CYP46A1: variants seen among roughly 807,000 people sequenced by gnomAD.
CYP46A1 encodes the protein cytochrome P450 family 46 subfamily A member 1, also known as cholesterol 24-hydroxylase.
A neutral mutation model predicts 63.3 loss-of-function variants in CYP46A1; 20 were observed. The ratio of observed to expected loss-of-function variants is 0.32; its 90% CI spans 0.22 to 0.46. The LOEUF is 0.46. CYP46A1 is among the 20% of genes least tolerant of loss of function. The pLI, the probability that CYP46A1 is intolerant of heterozygous loss-of-function variation, is 1.00. For synonymous variants in CYP46A1, 268 were observed against 273.6 expected (o/e 0.98, Z 0.20); for missense variants, 445 against 670.8 (o/e 0.66, Z 3.72).
At chr14:99,716,042 T>C in intron 8 of CYP46A1, 82 bp downstream of exon 8, 1 of 1,609,488 alleles carries the variant, frequency 6.2e-7, no homozygotes, top group Non-Finnish European at 8.5e-7. Context: ...CTGACTCTGT[T>C]TGGCTTAAGA....
intron 5 of CYP46A1, among the ~76,000 whole-genome samples, chr14:99,701,602 T>A (rs1459366397): frequency 6.6e-6 from 1 of 152,236 alleles, no homozygotes; most frequent in Non-Finnish European, 1.5e-5. Context: ...AATGTATCCT[T>A]GTCGTTAAGT....
intron 3 of CYP46A1, among the ~76,000 whole-genome samples, chr14:99,694,246 C>T (rs2056567465): frequency 6.7e-6 from 1 of 149,980 alleles, no homozygotes; most frequent in African/African-American, 2.4e-5. Flanking sequence ...GTTCACTTCA[C>T]ATAATTTGCT....
chr14:99,715,831 CAGCTCCGGG>C lies in CYP46A1; in HGVS notation c.718_726del (p.Leu240_Glu242del). On this transcript the variant is annotated inframe_deletion, in exon 8 of 15. Coordinates refer to ENST00000261835, the MANE Select transcript of CYP46A1 (RefSeq NM_006668.2). ...TTAGTTCCTGCCAGGGAAGAGGAAGCAGCTCCGGGAGGTCCGGGAGAGCATTCGCTTCCT... is the reference window on the plus strand; with the variant it reads ...TTAGTTCCTGCCAGGGAAGAGGAAGCAGGTCCGGGAGAGCATTCGCTTCCT... The C allele has an allele frequency of 1.2e-6, 2 of 1,614,214 alleles. No homozygotes were observed. Among genetic ancestry groups the C allele is most frequent in the Non-Finnish European group, 1.7e-6 (2 of 1,180,040 alleles).
intron 10 of CYP46A1, among the ~76,000 whole-genome samples, chr14:99,718,925 C>T (rs2056818356): frequency 6.6e-6 from 1 of 152,020 alleles, no homozygotes; most frequent in African/African-American, 2.4e-5. Flanking sequence ...CCATGGCACC[C>T]CACCCACCCA....
At chr14:99,716,321 T>A (rs2056790132) in intron 9 of CYP46A1, 122 bp downstream of exon 9, 1 of 1,019,826 alleles carries the variant, frequency 9.8e-7, no homozygotes, top group Admixed American at 2.0e-5. Flanking sequence ...ACCGCAGGGC[T>A]AGGGGGCTGG....
chr14:99,698,319 G>A (rs929438915), intron 3 of CYP46A1, among the ~76,000 whole-genome samples: 2 of 152,004 alleles, frequency 1.3e-5, no homozygotes, highest in African/African-American at 2.4e-5. Context: ...GATCATAGCC[G>A]TCTCTCCCCT....
chr14:99,710,882 C>T (rs2056724010), intron 7 of CYP46A1: 1 of 152,126 alleles, frequency 6.6e-6, no homozygotes. Context: ...CTCATCAGCA[C>T]ATGAAAGATT....
intron 1 of CYP46A1, among the ~76,000 whole-genome samples, chr14:99,685,039 C>T (rs1017482968): frequency 4.7e-5 from 7 of 147,718 alleles, no homozygotes; most frequent in Admixed American, 2.0e-4. Context: ...CTTACAATTG[C>T]ATTCTTGGTC....
chr14:99,704,008 A>G (rs754847061), intron 5 of CYP46A1, among the ~76,000 whole-genome samples: 4 of 152,232 alleles, frequency 2.6e-5, no homozygotes, highest in Non-Finnish European at 2.9e-5. Context: ...GGAAACATCA[A>G]TTCTAACCAG....
At chr14:99,717,799 C>T (rs555260744) in intron 9 of CYP46A1, 3 of 449,872 alleles carry the variant, frequency 6.7e-6, no homozygotes, top group African/African-American at 5.9e-5. Flanking sequence ...ATTGTGTCCC[C>T]CCCACTCTCC....
At position 99,706,863 on chromosome 14, in the gene CYP46A1, T is replaced by C; in HGVS notation, c.582+78T>C. The C allele has an allele frequency of 1.1e-5, 17 of 1,508,954 alleles. 1 individual carries two copies. In the South Asian group the frequency reaches 2.2e-4, roughly 19 times the overall value. The allele number at this position is 1,508,954 out of a possible 1,614,324, so 93.5% of individuals were successfully genotyped here. A position where few individuals can be genotyped will look rare whatever the true frequency, so the allele number is the denominator to read the frequency against. On this transcript the variant is annotated intron_variant, in intron 6 of 14. Coordinates refer to ENST00000261835, the MANE Select transcript of CYP46A1 (RefSeq NM_006668.2). Reference sequence around the variant, plus strand: ...GGTCTCTTCTCTCCCTCTTCCCTTCTCTCTTCCCCTCCCTCCTGCTCCTCT... The same window carrying C: ...GGTCTCTTCTCTCCCTCTTCCCTTCCCTCTTCCCCTCCCTCCTGCTCCTCT...
At chr14:99,690,990 G>C in intron 1 of CYP46A1, 91 bp from the exon 2 acceptor site, 1 of 1,251,434 alleles carries the variant, frequency 8.0e-7, no homozygotes, top group Non-Finnish European at 1.2e-6. Flanking sequence ...CCTCCTGTCT[G>C]TGAAGTGGGC....
intron 1 of CYP46A1, chr14:99,684,903 A>C: frequency 5.6e-6 from 2 of 354,542 alleles, no homozygotes; most frequent in Non-Finnish European, 1.1e-5. Flanking sequence ...CCTGCCTCCA[A>C]AGTGGGCGCT....
intron 3 of CYP46A1, among the ~76,000 whole-genome samples, chr14:99,698,961 A>T (rs1032999555): frequency 1.3e-5 from 2 of 152,172 alleles, no homozygotes; most frequent in Non-Finnish European, 2.9e-5. Context: ...TTTATGGCAC[A>T]AGGGCAAGTC....
At chr14:99,724,624 G>T (rs778540772) in intron 12 of CYP46A1, among the ~76,000 whole-genome samples, 2 of 152,174 alleles carry the variant, frequency 1.3e-5, no homozygotes, top group African/African-American at 2.4e-5. Flanking sequence ...TTGTTAGGTG[G>T]GGGGAGTGGT....
At chr14:99,708,121 C>T in intron 7 of CYP46A1, 1 of 264,236 alleles carries the variant, frequency 3.8e-6, no homozygotes. Flanking sequence ...CCTGCACGCA[C>T]TGTCCAGGGA....
At chr14:99,717,339 T>C (rs558899701) in intron 9 of CYP46A1, among the ~76,000 whole-genome samples, 3 of 152,256 alleles carry the variant, frequency 2.0e-5, no homozygotes, top group African/African-American at 7.2e-5. Flanking sequence ...GTTGTGTCTG[T>C]CTTTCCCTTT....
chr14:99,721,521 C>T (rs1244690047), intron 11 of CYP46A1, among the ~76,000 whole-genome samples, 198 bp downstream of exon 11: 1 of 152,194 alleles, frequency 6.6e-6, no homozygotes, highest in African/African-American at 2.4e-5. Flanking sequence ...CAGGTCACCC[C>T]AGTATTCAAC....
chr14:99,714,996 T>C (rs1188732212), intron 7 of CYP46A1, among the ~76,000 whole-genome samples: 1 of 152,004 alleles, frequency 6.6e-6, no homozygotes, highest in Non-Finnish European at 1.5e-5. Flanking sequence ...TACTAGAGGC[T>C]GGGAAGGATG....
Sources: gnomAD v4.1 joint callset for allele counts (sites outside exome capture counted in the v4.1 genomes callset) on GRCh38, gnomAD v4.1.1 for gene constraint, MANE v1.5 for transcripts, NCBI Gene and HGNC (gene_info 2026-07-23, HGNC 2026-07-21) for gene names.